DOK5: variants seen among roughly 807,000 people sequenced by gnomAD.
The protein encoded by DOK5 is docking protein 5, also known as downstream of tyrosine kinase 5.
Under a neutral mutation model 43.3 loss-of-function variants are expected in DOK5, and 27 were observed. That is an observed-to-expected ratio of 0.62 (90% CI 0.46 to 0.86). DOK5 has a LOEUF of 0.86. Ranked by LOEUF, DOK5 falls within the 40% of genes least tolerant of loss-of-function variation. DOK5 has a pLI of 0.00. For missense variants in DOK5, 373 were observed against 392.9 expected, an observed-to-expected ratio of 0.95 and a Z score of 0.43; for synonymous variants, 146 against 140.1, an observed-to-expected ratio of 1.04 and a Z score of -0.30.
chr20:54,485,719 T>C (rs1981905776), intron 1 of DOK5, among the ~76,000 whole-genome samples: 1 of 152,246 alleles, frequency 6.6e-6, no homozygotes, highest in African/African-American at 2.4e-5. Context: ...GTCTAGTTTT[T>C]AAAGAAACTG....
At chr20:54,562,655 T>C (rs1984948708) in intron 2 of DOK5, among the ~76,000 whole-genome samples, 1 of 152,224 alleles carries the variant, frequency 6.6e-6, no homozygotes, top group South Asian at 2.1e-4. Flanking sequence ...TGGGCTCAAG[T>C]GATTCTCCCT....
chr20:54,600,644 C>T (rs191452520), intron 5 of DOK5, among the ~76,000 whole-genome samples: 2 of 152,284 alleles, frequency 1.3e-5, no homozygotes, highest in East Asian at 3.9e-4. Flanking sequence ...CATTGCCTAC[C>T]TACATGCCCC....
chr20:54,515,262 C>T (rs1016745956), intron 1 of DOK5, among the ~76,000 whole-genome samples: 3 of 152,212 alleles, frequency 2.0e-5, no homozygotes, highest in African/African-American at 7.2e-5. Context: ...ATCCAACCCG[C>T]CTCGGCCTCC....
chr20:54,645,483 C>T (rs1360276599), intron 7 of DOK5, among the ~76,000 whole-genome samples: 7 of 152,026 alleles, frequency 4.6e-5, no homozygotes, highest in African/African-American at 1.7e-4. Flanking sequence ...TCAGTCTTTG[C>T]TGTTGGTCCT....
intron 1 of DOK5, among the ~76,000 whole-genome samples, chr20:54,549,305 C>T (rs888996040): frequency 3.9e-5 from 6 of 152,098 alleles, no homozygotes; most frequent in African/African-American, 1.4e-4. Context: ...GATGCTGGAC[C>T]AAACAGTGAG....
At chr20:54,597,211 T>C (rs1986169073) in intron 5 of DOK5, among the ~76,000 whole-genome samples, 1 of 152,214 alleles carries the variant, frequency 6.6e-6, no homozygotes, top group African/African-American at 2.4e-5. Context: ...CTCACAATAG[T>C]GCCGATTTCC....
At chr20:54,501,587 G>A (rs1982611670) in intron 1 of DOK5, among the ~76,000 whole-genome samples, 5 of 151,828 alleles carry the variant, frequency 3.3e-5, no homozygotes, top group Non-Finnish European at 4.4e-5. Context: ...CTGGTTATAG[G>A]ATGTGGCTCA....
At chr20:54,513,601 A>G (rs1286745656) in intron 1 of DOK5, among the ~76,000 whole-genome samples, 1 of 152,156 alleles carries the variant, frequency 6.6e-6, no homozygotes, top group East Asian at 1.9e-4. Flanking sequence ...TGTGTCACTA[A>G]AGGACTAGAG....
At position 54,530,151 on chromosome 20, in the gene DOK5, A is replaced by G. The variant is rs1485940577; in HGVS notation, c.67-24782A>G. On this transcript the variant is annotated intron_variant, in intron 1 of 7. Coordinates refer to ENST00000262593, the MANE Select transcript of DOK5 (RefSeq NM_018431.5). ...ATGCACAAGTGCCATGGTGTGACCA[A>G]TTTGGCTATTTCTGTATCTCACTTT... 5.3e-5 allele frequency among the ~76,000 whole-genome samples: 8 copies of G among 152,220 alleles called. No individual in the cohort carries two copies. The East Asian group carries it at 1.5e-3, about 29-fold the overall frequency.
chr20:54,573,453 C>T (rs1276996332), intron 2 of DOK5, among the ~76,000 whole-genome samples: 2 of 151,874 alleles, frequency 1.3e-5, no homozygotes, highest in African/African-American at 2.4e-5. Context: ...TTTGGGAGGC[C>T]GAGGCAGGCA....
At chr20:54,488,404 G>T (rs1022582683) in intron 1 of DOK5, among the ~76,000 whole-genome samples, 3 of 152,158 alleles carry the variant, frequency 2.0e-5, no homozygotes, top group Non-Finnish European at 2.9e-5. Flanking sequence ...GACTTGCCTT[G>T]ACTACAACAT....
intron 1 of DOK5, among the ~76,000 whole-genome samples, chr20:54,505,400 GA>G (rs937149037): frequency 3.9e-4 from 60 of 152,150 alleles, no homozygotes; most frequent in African/African-American, 1.3e-3. Flanking sequence ...GGTATTTACT[GA>G]AAAAGTTAGC....
intron 1 of DOK5, among the ~76,000 whole-genome samples, chr20:54,484,916 G>C (rs1981868894): frequency 6.6e-6 from 1 of 152,234 alleles, no homozygotes; most frequent in African/African-American, 2.4e-5. Context: ...TATTTGAGAG[G>C]TTGAAGTGGG....
intron 1 of DOK5, among the ~76,000 whole-genome samples, chr20:54,484,374 C>G (rs900003216): frequency 2.1e-5 from 3 of 142,808 alleles, no homozygotes; most frequent in African/African-American, 5.8e-5. Flanking sequence ...AGCAAGACTT[C>G]ATCTCAAAAA....
intron 2 of DOK5, among the ~76,000 whole-genome samples, chr20:54,585,740 C>T (rs7271008): frequency 0.09 from 13,655 of 152,154 alleles, 1,832 homozygotes; most frequent in African/African-American, 0.29. Flanking sequence ...TTTAACCTTT[C>T]GCAGTCTAGT....
intron 1 of DOK5, among the ~76,000 whole-genome samples, chr20:54,538,363 C>T (rs985908022): frequency 6.6e-6 from 1 of 151,940 alleles, no homozygotes; most frequent in Non-Finnish European, 1.5e-5. Flanking sequence ...GAATCTTATA[C>T]CTAGCAAAAA....
At chr20:54,501,443 G>A (rs1167576475) in intron 1 of DOK5, among the ~76,000 whole-genome samples, 2 of 144,066 alleles carry the variant, frequency 1.4e-5, no homozygotes, top group South Asian at 2.2e-4. Flanking sequence ...CTCTAGCCTG[G>A]GTGACAGAGC....
chr20:54,594,882 T>C (rs555623818), intron 5 of DOK5, among the ~76,000 whole-genome samples: 1 of 152,342 alleles, frequency 6.6e-6, no homozygotes, highest in African/African-American at 2.4e-5. Context: ...CATATTGAAA[T>C]CTAACGGAAC....
intron 6 of DOK5, among the ~76,000 whole-genome samples, chr20:54,626,211 T>C (rs1157806376): frequency 6.6e-6 from 1 of 152,134 alleles, no homozygotes; most frequent in African/African-American, 2.4e-5. Flanking sequence ...GATGAGGGAA[T>C]GAATGAGCCG....
Sources: gnomAD v4.1 joint callset for allele counts (sites outside exome capture counted in the v4.1 genomes callset) on GRCh38, gnomAD v4.1.1 for gene constraint, MANE v1.5 for transcripts, NCBI Gene and HGNC (gene_info 2026-07-23, HGNC 2026-07-21) for gene names.